B3GALT1: variants seen among roughly 807,000 people sequenced by gnomAD.
B3GALT1 encodes the protein beta-1,3-galactosyltransferase 1, also known as UDP-Gal:betaGlcNAc beta 1,3-galactosyltransferase, polypeptide 1.
B3GALT1 carries 10 observed loss-of-function variants against 23.2 expected under a neutral mutation model. That is an observed-to-expected ratio of 0.43 (90% CI 0.27 to 0.73). The LOEUF (loss-of-function observed/expected upper bound fraction) is 0.73. B3GALT1 is among the 30% of genes least tolerant of loss of function. The pLI, the probability that B3GALT1 is intolerant of heterozygous loss-of-function variation, is 0.21. For missense variants in B3GALT1, 299 were observed against 405.4 expected (o/e 0.74, Z 2.25); for synonymous variants, 156 against 141.5 (o/e 1.10, Z -0.73).
intron 1 of B3GALT1, among the ~76,000 whole-genome samples, chr2:167,451,599 C>T (rs937325072): frequency 6.6e-6 from 1 of 152,156 alleles, no homozygotes; most frequent in Non-Finnish European, 1.5e-5. Flanking sequence ...GTGGAGGTGA[C>T]AGGGGAGTGA....
chr2:167,454,805 G>A (rs1196106838), intron 1 of B3GALT1, among the ~76,000 whole-genome samples: 6 of 152,096 alleles, frequency 3.9e-5, no homozygotes, highest in African/African-American at 1.4e-4. Flanking sequence ...GAAAATCAAG[G>A]TCAATAAATG....
rs181661856 is a variant in B3GALT1 at position 167,343,958 on chromosome 2, C to T, written c.-511+50624C>T. ...TGTACTCACATAGCATTGGCTAAAG[C>T]TGGATCACGGTTTAAAACCTTGCCT... On this transcript the variant is annotated intron_variant, in intron 1 of 4. Coordinates refer to ENST00000392690, the MANE Select transcript of B3GALT1 (RefSeq NM_020981.4). Among the ~76,000 whole-genome samples the T allele has an allele frequency of 6.6e-5, 10 of 152,296 alleles. No individual in the cohort carries two copies. The South Asian group carries it at 1.7e-3, about 25-fold the overall frequency.
At chr2:167,618,270 A>G (rs1483831101) in intron 2 of B3GALT1, among the ~76,000 whole-genome samples, 1 of 152,096 alleles carries the variant, frequency 6.6e-6, no homozygotes, top group Non-Finnish European at 1.5e-5. Flanking sequence ...ACCAGAGAAT[A>G]TTTGTTAAAC....
chr2:167,563,181 G>A (rs928408308), intron 2 of B3GALT1, among the ~76,000 whole-genome samples: 2 of 151,838 alleles, frequency 1.3e-5, no homozygotes, highest in Admixed American at 1.3e-4. Flanking sequence ...TCCCAGACAG[G>A]GTGGTGGCCG....
chr2:167,754,734 C>G (rs916950683), intron 3 of B3GALT1, among the ~76,000 whole-genome samples: 1 of 152,206 alleles, frequency 6.6e-6, no homozygotes, highest in Admixed American at 6.5e-5. Context: ...GAAGCACCCA[C>G]TGAGTTCAAC....
intron 3 of B3GALT1, among the ~76,000 whole-genome samples, chr2:167,710,575 G>A (rs1687032462): frequency 1.3e-5 from 2 of 152,084 alleles, no homozygotes; most frequent in South Asian, 4.1e-4. Context: ...ATGTATGAGA[G>A]ACCAACCTCC....
chr2:167,623,659 G>A (rs781684209), intron 2 of B3GALT1, among the ~76,000 whole-genome samples: 7 of 151,944 alleles, frequency 4.6e-5, no homozygotes, highest in Admixed American at 2.0e-4. Flanking sequence ...GTAGATGACG[G>A]GTTGATGGGT....
intron 3 of B3GALT1, among the ~76,000 whole-genome samples, chr2:167,657,928 C>T (rs926852495): frequency 6.6e-6 from 1 of 152,078 alleles, no homozygotes; most frequent in African/African-American, 2.4e-5. Context: ...GAATCAAAAT[C>T]TATTCATTTG....
chr2:167,605,605 A>G (rs1404952603), intron 2 of B3GALT1, among the ~76,000 whole-genome samples: 1 of 152,134 alleles, frequency 6.6e-6, no homozygotes, highest in Non-Finnish European at 1.5e-5. Context: ...AAAGCTGAAG[A>G]TATGTTAAGG....
intron 3 of B3GALT1, among the ~76,000 whole-genome samples, chr2:167,750,878 G>A (rs374118406): frequency 3.0e-4 from 45 of 152,024 alleles, no homozygotes; most frequent in East Asian, 2.5e-3. Context: ...CCTATGCCAC[G>A]GGCAGGAATC....
chr2:167,589,958 A>G (rs1025983420), intron 2 of B3GALT1, among the ~76,000 whole-genome samples: 1 of 151,920 alleles, frequency 6.6e-6, no homozygotes, highest in African/African-American at 2.4e-5. Flanking sequence ...TAACTTTATC[A>G]TTTTCTCCCC....
intron 2 of B3GALT1, among the ~76,000 whole-genome samples, chr2:167,532,469 A>T (rs1218136317): frequency 6.6e-6 from 1 of 152,150 alleles, no homozygotes; most frequent in Non-Finnish European, 1.5e-5. Context: ...GTTGCTTTAA[A>T]TCAAGGAAAT....
chr2:167,295,574 A>G (rs2105476156), intron 1 of B3GALT1, among the ~76,000 whole-genome samples: 1 of 152,368 alleles, frequency 6.6e-6, no homozygotes, highest in East Asian at 1.9e-4. Flanking sequence ...TTCAATTAAA[A>G]CTAAGCTATC....
intron 2 of B3GALT1, among the ~76,000 whole-genome samples, chr2:167,615,761 G>A (rs1653406): frequency 0.016 from 2,419 of 152,132 alleles, 86 homozygotes; most frequent in African/African-American, 0.055. Flanking sequence ...TGTTTAGCAC[G>A]TGTCATGCAC....
At chr2:167,776,088 AT>A (rs1558975451) in intron 3 of B3GALT1, among the ~76,000 whole-genome samples, 1 of 151,278 alleles carries the variant, frequency 6.6e-6, no homozygotes, top group Non-Finnish European at 1.5e-5. Flanking sequence ...AATTATAGGT[AT>A]TTGGAATGTT....
At chr2:167,700,419 G>GA (rs1179903978) in intron 3 of B3GALT1, among the ~76,000 whole-genome samples, 1 of 151,904 alleles carries the variant, frequency 6.6e-6, no homozygotes, top group Non-Finnish European at 1.5e-5. Context: ...CCTTTTCATT[G>GA]AAAAACAAAA....
chr2:167,555,922 T>G (rs1683840519), intron 2 of B3GALT1, among the ~76,000 whole-genome samples: 1 of 152,152 alleles, frequency 6.6e-6, no homozygotes, highest in Non-Finnish European at 1.5e-5. Context: ...GTGAGGATAA[T>G]GAAACACCAG....
chr2:167,313,575 C>T (rs1696665136), intron 1 of B3GALT1, among the ~76,000 whole-genome samples: 2 of 152,090 alleles, frequency 1.3e-5, no homozygotes, highest in African/African-American at 4.8e-5. Context: ...AAGTGTCCCT[C>T]CAATACAGAT....
intron 3 of B3GALT1, among the ~76,000 whole-genome samples, chr2:167,758,498 C>T (rs1481706752): frequency 6.6e-6 from 1 of 152,190 alleles, no homozygotes; most frequent in Non-Finnish European, 1.5e-5. Context: ...TCATGGAGCA[C>T]TGGATCCTCA....
Sources: gnomAD v4.1 joint callset for allele counts (sites outside exome capture counted in the v4.1 genomes callset) on GRCh38, gnomAD v4.1.1 for gene constraint, MANE v1.5 for transcripts, NCBI Gene and HGNC (gene_info 2026-07-23, HGNC 2026-07-21) for gene names.